The following TNK2 variants were observed in gnomAD, a reference collection of about 807,000 sequenced individuals.
TNK2 encodes the protein tyrosine kinase non receptor 2.
A neutral mutation model predicts 101.8 loss-of-function variants in TNK2; 83 were observed. The ratio of observed to expected loss-of-function variants is 0.82; its 90% CI spans 0.68 to 0.98. TNK2 has a LOEUF of 0.98. TNK2 is among the 50% of genes least tolerant of loss of function. The pLI, the probability that TNK2 is intolerant of heterozygous loss-of-function variation, is 0.00. For synonymous variants in TNK2, 804 were observed against 633.0 expected, an observed-to-expected ratio of 1.27 and a Z score of -4.06; for missense variants, 1,665 against 1,483.2, an observed-to-expected ratio of 1.12 and a Z score of -2.01.
chr3:195,879,276 C>A, intron 6 of TNK2, 101 bp from the exon 7 acceptor site: 1 of 1,542,738 alleles, frequency 6.5e-7, no homozygotes, highest in East Asian at 2.3e-5. Flanking sequence ...GTTGTGACCC[C>A]CTGTGCCAGG....
chr3:195,882,489 C>T lies in TNK2; in HGVS notation c.610-161G>A, dbSNP rs1267670722. On this transcript the variant is annotated intron_variant, in intron 5 of 15. Transcript: ENST00000672887. The surrounding 1 kb of genome is among the most constrained non-coding windows in gnomAD (Gnocchi z 4.2). ...GGGACCTCTAGGAGTCCTGCAGTTT[C>T]TCAGGCCTCTCCCTCGAGGCAATTT... 1 of 1,541,944 alleles carries T rather than the reference C, an allele frequency of 6.5e-7. No homozygotes were observed. The highest frequency in any genetic ancestry group is 1.2e-5 in the South Asian group (1 of 83,294).
chr3:195,881,499 C>T (rs1381591053), intron 6 of TNK2, among the ~76,000 whole-genome samples: 1 of 122,736 alleles, frequency 8.1e-6, no homozygotes, highest in African/African-American at 3.4e-5. Context: ...CCCAGCAACG[C>T]CCCTTGGAGA....
Position 195,868,252 on chromosome 3 carries a change from C to T in TNK2, c.2046G>A (p.Gln682=), listed in dbSNP as rs1742288859. 2 of 1,604,898 alleles carry T rather than the reference C, an allele frequency of 1.2e-6. No homozygotes were observed. The highest frequency in any genetic ancestry group is 1.7e-4 in the Middle Eastern group (1 of 6,060). Residue 682 remains glutamine (Q), a synonymous_variant, in exon 13 of 16, where the codon CAG becomes CAA. Transcript: ENST00000672887. ...GCTCAGGCACAAAGGCGTAGTTGGT[C>T]TGGCCCTGGCTGGGCCCGGCAGGGA... ...AGVPAGPSQG[Q]TNYAFVPEQA...
Position 195,872,469 on chromosome 3 carries a change from C to A in TNK2, c.1258G>T (p.Ala420Ser). Reference sequence around the variant, plus strand: ...TGGCCACGCCACCAGTAGTTCTCGGCCCTGCGCGACAGAGATGGCACGGTG... The same window carrying A: ...TGGCCACGCCACCAGTAGTTCTCGGACCTGCGCGACAGAGATGGCACGGTG... Reference protein sequence around the residue: ...NDVITVIEGRAENYWWRGQNT... With the variant: ...NDVITVIEGRSENYWWRGQNT... The change falls in exon 10 of 16, where the codon GCC (alanine) becomes TCC (serine). Residue 420 changes from alanine (A) to serine (S), a missense_variant and splice_region_variant. By Grantham distance (99) the Ala-to-Ser change is moderately conservative (BLOSUM62 1). This residue lies in a region of TNK2 where 39 missense variants were observed against 65.8 expected (regional missense o/e 0.59). Coordinates refer to ENST00000672887, the MANE Select transcript of TNK2 (RefSeq NM_001382273.1). The A allele has an allele frequency of 1.3e-6, 2 of 1,581,586 alleles. No homozygotes were observed. Among genetic ancestry groups the A allele is most frequent in the Non-Finnish European group, 1.7e-6 (2 of 1,161,378 alleles).
Position 195,867,432 on chromosome 3 carries a change from C to T in TNK2, c.2866G>A (p.Ala956Thr). The T allele has an allele frequency of 6.3e-7, 1 of 1,598,982 alleles. No homozygotes were observed. The highest frequency in any genetic ancestry group is 8.5e-7 in the Non-Finnish European group (1 of 1,177,476). ...GGGCAGCCCCTCTGTGGCAGCCGAG[C>T]AGTGGCCCTCGGGGGTGGTGGCCGG... Reference protein sequence around the residue: ...GARPPPPRATARLPQRGCPGD... With the variant: ...GARPPPPRATTRLPQRGCPGD... The change falls in exon 13 of 16, where the codon GCT becomes ACT. Residue 956 changes from alanine to threonine, a missense_variant. By Grantham distance (58) the Ala-to-Thr change is moderately conservative. Coordinates refer to ENST00000672887, the MANE Select transcript of TNK2 (RefSeq NM_001382273.1).
At chr3:195,893,662 C>T (rs1334703461) in intron 1 of TNK2, among the ~76,000 whole-genome samples, 2 of 152,052 alleles carry the variant, frequency 1.3e-5, no homozygotes, top group Non-Finnish European at 1.5e-5. Flanking sequence ...GGCCCCCAGA[C>T]ACACCTGACA....
At chr3:195,907,989 C>T (rs904791247) in intron 1 of TNK2, 4 of 152,320 alleles carry the variant, frequency 2.6e-5, no homozygotes, top group Non-Finnish European at 5.9e-5. Context: ...AGGCTCGTGC[C>T]GTACCCAAGC....
chr3:195,868,674 G>C lies in TNK2; in HGVS notation c.1624C>G (p.Pro542Ala). 6.3e-7 allele frequency: 1 copy of C among 1,592,706 alleles called. No homozygotes were observed. Among genetic ancestry groups the C allele is most frequent in the East Asian group, 2.3e-5 (1 of 44,240 alleles). ...TYDPVSEDQDPLSSDFKRLGL... is the reference protein window; with the variant it reads ...TYDPVSEDQDALSSDFKRLGL... ...AGCCTCTTGAAGTCGCTGGACAAGG[G>C]GTCTTGGTCCTCGCTCACAGGGTCA... The change falls in exon 13 of 16, where the codon CCC (proline) becomes GCC (alanine). Residue 542 changes from proline (P) to alanine (A), a missense_variant. This residue lies in a region of TNK2 where 1,136 missense variants were observed against 894.9 expected (regional missense o/e 1.27). Transcript: ENST00000672887.
chr3:195,905,947 C>T (rs1028267520), intron 1 of TNK2, among the ~76,000 whole-genome samples: 1 of 152,096 alleles, frequency 6.6e-6, no homozygotes, highest in Non-Finnish European at 1.5e-5. Flanking sequence ...AGGCTTATAT[C>T]CAGAATATAT....
Position 195,888,186 on chromosome 3 carries a change from C to T in TNK2, c.163+240G>A, listed in dbSNP as rs541022355. Among the ~76,000 whole-genome samples the T allele has an allele frequency of 5.3e-5, 8 of 152,128 alleles. No individual in the cohort carries two copies. The highest frequency in any genetic ancestry group is 1.0e-4 in the Non-Finnish European group (7 of 68,012). On this transcript the variant is annotated intron_variant, in intron 2 of 15. Transcript: ENST00000672887. The surrounding 1 kb of genome is among the most constrained non-coding windows in gnomAD (Gnocchi z 5.3). ...ACACTCTACGTGAGAACAATCACAA[C>T]GGGGCATGGAGTGACTCCTGTGTAG...
Position 195,900,814 on chromosome 3 carries a change from C to T in TNK2, c.-19+7671G>A, listed in dbSNP as rs143508144. On this transcript the variant is annotated intron_variant, in intron 1 of 15. Transcript: ENST00000672887. ...TGTGGTCTAGCTCCCAGCAGCTAGC[C>T]ACTCCCAGAGAGAGCTCTTCCAGGG... 2.0e-5 allele frequency among the ~76,000 whole-genome samples: 3 copies of T among 152,336 alleles called. No homozygotes were observed. In the East Asian group the frequency reaches 5.8e-4, roughly 29 times the overall value.
In TNK2 at chr3:195,898,150, G is replaced by A. The variant is rs539242288; in HGVS notation, c.-18-9544C>T. Among the ~76,000 whole-genome samples the A allele has an allele frequency of 5.3e-5, 8 of 151,972 alleles. No homozygotes were observed. The East Asian group carries it at 1.4e-3, about 26-fold the overall frequency. On this transcript the variant is annotated intron_variant, in intron 1 of 15. Transcript: ENST00000672887. ...TCACAAGCCAACACTAGCCACCCGA[G>A]GTAGAAACCACACCCCACCACGGAC...
At chr3:195,880,057 C>G (rs1174823372) in intron 6 of TNK2, among the ~76,000 whole-genome samples, 1 of 152,114 alleles carries the variant, frequency 6.6e-6, no homozygotes, top group African/African-American at 2.4e-5. Flanking sequence ...ATAAGGGTTG[C>G]CCACAGCCAC....
intron 6 of TNK2, 119 bp downstream of exon 6, chr3:195,881,932 T>TAA: frequency 7.9e-7 from 1 of 1,261,818 alleles, no homozygotes; most frequent in Non-Finnish European, 1.1e-6. Context: ...ACCCCAGGCT[T>TAA]AGAACAGACA....
At chr3:195,867,047 G>T in intron 14 of TNK2, 31 bp from the exon 15 acceptor site, 1 of 1,611,602 alleles carries the variant, frequency 6.2e-7, no homozygotes, top group East Asian at 2.2e-5. Flanking sequence ...ATGGACACGC[G>T]GGCCCAGGGC....
chr3:195,883,426 G>C, intron 4 of TNK2, 117 bp from the exon 5 acceptor site: 1 of 1,282,676 alleles, frequency 7.8e-7, no homozygotes, highest in Non-Finnish European at 1.1e-6. Context: ...TCCTCATCTG[G>C]GTGGGTAAGC....
chr3:195,879,274 C>A (rs1751104926), intron 6 of TNK2, 99 bp from the exon 7 acceptor site: 9 of 1,546,318 alleles, frequency 5.8e-6, no homozygotes, highest in Non-Finnish European at 7.8e-6. Flanking sequence ...TTGTTGTGAC[C>A]CCCTGTGCCA....
intron 15 of TNK2, among the ~76,000 whole-genome samples, 195 bp downstream of exon 15, chr3:195,866,694 G>A (rs1741076514): frequency 6.6e-6 from 1 of 152,210 alleles, no homozygotes. Context: ...AAAACCAAGT[G>A]GCTAAAATGT....
intron 11 of TNK2, chr3:195,869,871 G>A (rs1049430188): frequency 3.6e-6 from 2 of 556,480 alleles, no homozygotes; most frequent in Non-Finnish European, 6.4e-6. Context: ...GAAGGAGGGA[G>A]GAGGGACGCC....
Sources: allele counts gnomAD v4.1 joint callset (sites outside exome capture counted in the v4.1 genomes callset), GRCh38; gene constraint gnomAD v4.1.1; regional missense constraint gnomAD v4.1.1; non-coding constraint Gnocchi (gnomAD v3.1); transcripts MANE v1.5; gene names NCBI Gene and HGNC (gene_info 2026-07-23, HGNC 2026-07-21).